Variants in CSNK1G3 observed in about 807,000 individuals in gnomAD.
CSNK1G3 encodes casein kinase I isoform gamma-3.
Under a neutral mutation model 64.3 loss-of-function variants are expected in CSNK1G3, and 23 were observed. That is an observed-to-expected ratio of 0.36 (90% CI 0.26 to 0.51). The LOEUF is 0.51. Among genes scored for constraint, CSNK1G3 ranks in the 20% least tolerant of loss-of-function variants. The probability of loss-of-function intolerance (pLI) is 0.96; values close to 1 mark genes in which losing one functional copy is unlikely to be tolerated. For missense variants in CSNK1G3, 357 were observed against 510.5 expected, an observed-to-expected ratio of 0.70 and a Z score of 2.90; for synonymous variants, 158 against 162.2, an observed-to-expected ratio of 0.97 and a Z score of 0.20.
chr5:123,553,106 G>T lies in CSNK1G3; in HGVS notation c.179-1G>T. The stretch of plus-strand genomic sequence containing the variant: ...AATCTGATTTTTTTTTCTTTTTCAA[G>T]GGAAAAATTTATACACAAATGAATA... On this transcript the variant is annotated splice_acceptor_variant, in intron 2 of 12. Transcript: ENST00000345990. LOFTEE classifies it high-confidence loss of function. The T allele has an allele frequency of 2.2e-6, 3 of 1,379,680 alleles. No homozygotes were observed. Among genetic ancestry groups the T allele is most frequent in the Non-Finnish European group, 2.9e-6 (3 of 1,025,972 alleles). 85.5% of individuals were successfully genotyped at this position (1,379,680 alleles called of 1,614,324 possible).
intron 1 of CSNK1G3, among the ~76,000 whole-genome samples, chr5:123,520,648 A>G (rs1044071056): frequency 2.0e-5 from 3 of 152,032 alleles, no homozygotes; most frequent in African/African-American, 7.2e-5. Flanking sequence ...TATTAAAATT[A>G]CTTATCTTAA....
At chr5:123,609,741 T>G (rs373748988) in intron 12 of CSNK1G3, among the ~76,000 whole-genome samples, 24 of 152,300 alleles carry the variant, frequency 1.6e-4, no homozygotes, top group African/African-American at 5.5e-4. Flanking sequence ...TTCTTACTTT[T>G]CCCTTCCTTC....
At chr5:123,515,841 A>G (rs1777064880) in intron 1 of CSNK1G3, among the ~76,000 whole-genome samples, 1 of 152,196 alleles carries the variant, frequency 6.6e-6, no homozygotes, top group South Asian at 2.1e-4. Context: ...TAATTTATTA[A>G]GTGCCTACTT....
At chr5:123,604,687 T>C (rs949229898) in intron 10 of CSNK1G3, 37 bp from the exon 12 acceptor site, 4 of 1,087,722 alleles carry the variant, frequency 3.7e-6, no homozygotes, top group Middle Eastern at 2.1e-4. Context: ...CATGTGTGTG[T>C]ACATATACAT....
intron 6 of CSNK1G3, among the ~76,000 whole-genome samples, chr5:123,581,432 A>G (rs1481834085): frequency 8.4e-6 from 1 of 119,172 alleles, no homozygotes; most frequent in Non-Finnish European, 1.6e-5. Flanking sequence ...TAGTATAGCT[A>G]CTGCTGGCAA....
chr5:123,512,412 C>T (rs1214165732), exon 1 of CSNK1G3: 1 of 149,636 alleles, frequency 6.7e-6, no homozygotes, highest in East Asian at 1.9e-4. Flanking sequence ...TCCCCCCTAC[C>T]TCGCTCGCTC....
intron 6 of CSNK1G3, among the ~76,000 whole-genome samples, chr5:123,578,971 G>T (rs891595720): frequency 6.6e-6 from 1 of 151,884 alleles, no homozygotes; most frequent in African/African-American, 2.4e-5. Flanking sequence ...GATACTATTA[G>T]ACATCTTACA....
chr5:123,568,582 G>A lies in CSNK1G3; in HGVS notation c.290-4811G>A, dbSNP rs557154776. The stretch of plus-strand genomic sequence containing the variant: ...GCTGAACGACCATAGAAAGGTCGAC[G>A]TTGAGTTCTTTGGCAACTTCTTGTG... On this transcript the variant is annotated intron_variant, in intron 4 of 12. Coordinates refer to ENST00000345990, the Ensembl canonical transcript of CSNK1G3. Among the ~76,000 whole-genome samples, 69 of 152,276 alleles carry A rather than the reference G, an allele frequency of 4.5e-4. No homozygotes were observed. In the South Asian group the frequency reaches 0.013, roughly 29 times the overall value.
rs998734233 is a variant in CSNK1G3, at chr5:123,606,905, G to T, written c.1217+1543G>T. Reference sequence around the variant, plus strand: ...GAAGATTGCAGTTGTACTAGTATATGTCAGTATGTGATTAATACGATAAAA... The same window carrying T: ...GAAGATTGCAGTTGTACTAGTATATTTCAGTATGTGATTAATACGATAAAA... On this transcript the variant is annotated intron_variant, in intron 12 of 12. Transcript: ENST00000345990. Among the ~76,000 whole-genome samples, 3 of 152,264 alleles carry T rather than the reference G, an allele frequency of 2.0e-5. No homozygotes were observed. The East Asian group carries it at 5.8e-4, about 29-fold the overall frequency.
intron 6 of CSNK1G3, among the ~76,000 whole-genome samples, chr5:123,583,881 A>C (rs1301297614): frequency 1.3e-5 from 2 of 151,846 alleles, no homozygotes; most frequent in Admixed American, 6.6e-5. Flanking sequence ...TTGTAAAGTT[A>C]GGGTTTCTCT....
At chr5:123,561,018 A>G (rs1036843317) in intron 4 of CSNK1G3, among the ~76,000 whole-genome samples, 1 of 152,194 alleles carries the variant, frequency 6.6e-6, no homozygotes, top group African/African-American at 2.4e-5. Flanking sequence ...AGATTTATTT[A>G]GAATTATTTA....
chr5:123,568,319 G>A (rs1787357333), intron 4 of CSNK1G3, among the ~76,000 whole-genome samples: 1 of 152,088 alleles, frequency 6.6e-6, no homozygotes, highest in Non-Finnish European at 1.5e-5. Flanking sequence ...GTGCAAGTTT[G>A]GCTCTGGGAA....
intron 10 of CSNK1G3, among the ~76,000 whole-genome samples, chr5:123,596,429 G>A (rs1364078505): frequency 2.0e-5 from 3 of 152,080 alleles, no homozygotes; most frequent in Non-Finnish European, 4.4e-5. Flanking sequence ...AAGTTTGTGT[G>A]TATGTGTGCA....
In CSNK1G3 at chr5:123,593,197, A is replaced by G. The variant is rs199895562; in HGVS notation, c.1086+1783A>G. Among the ~76,000 whole-genome samples, 102 of 91,782 alleles carry G rather than the reference A, an allele frequency of 1.1e-3. 1 individual carries two copies. The highest frequency in any genetic ancestry group is 9.1e-3 in the South Asian group (28 of 3,074). The allele number at this position is 91,782 out of a possible 152,430, so 60.2% of individuals were successfully genotyped here. A position where few individuals can be genotyped will look rare whatever the true frequency, so the allele number is the denominator to read the frequency against. ...CTAAATGTAGGGTGGGTGTGTGTGTATATATACACACACACACACACACAC... is the reference window on the plus strand; with the variant it reads ...CTAAATGTAGGGTGGGTGTGTGTGTGTATATACACACACACACACACACAC... On this transcript the variant is annotated intron_variant, in intron 10 of 12. Coordinates refer to ENST00000345990, the Ensembl canonical transcript of CSNK1G3.
At chr5:123,590,708 G>T (rs892718132) in intron 9 of CSNK1G3, 150 bp downstream of exon 9, 1 of 450,730 alleles carries the variant, frequency 2.2e-6, no homozygotes, top group Non-Finnish European at 3.7e-6. Flanking sequence ...AGGTAGTGCC[G>T]TACTAGTGTT....
chr5:123,536,068 T>G (rs1438866363), intron 1 of CSNK1G3, among the ~76,000 whole-genome samples: 1 of 152,176 alleles, frequency 6.6e-6, no homozygotes, highest in Non-Finnish European at 1.5e-5. Flanking sequence ...TGTGGAACAG[T>G]TTTGGTTCTC....
At chr5:123,614,682 T>C (rs1749159864) in exon 13 of CSNK1G3, 2 of 272,996 alleles carry the variant, frequency 7.3e-6, no homozygotes, top group African/African-American at 2.2e-5. Flanking sequence ...TATAGTTCCA[T>C]AGAACATTTT....
intron 12 of CSNK1G3, among the ~76,000 whole-genome samples, chr5:123,611,320 C>T (rs1313701198): frequency 6.6e-6 from 1 of 152,168 alleles, no homozygotes; most frequent in Non-Finnish European, 1.5e-5. Context: ...ACTTTAATAG[C>T]ATGCCAGCTT....
At chr5:123,580,951 G>A (rs1050444318) in intron 6 of CSNK1G3, among the ~76,000 whole-genome samples, 1 of 151,836 alleles carries the variant, frequency 6.6e-6, no homozygotes, top group African/African-American at 2.4e-5. Flanking sequence ...CTCTGAATAG[G>A]AGAGAAGGAA....
Sources: allele counts gnomAD v4.1 joint callset (sites outside exome capture counted in the v4.1 genomes callset), GRCh38; gene constraint gnomAD v4.1.1; transcripts MANE v1.5; gene names NCBI Gene and HGNC (gene_info 2026-07-23, HGNC 2026-07-21).